The following ZC4H2 variants were observed in gnomAD, a reference collection of about 807,000 sequenced individuals.
ZC4H2 encodes zinc finger C4H2-type containing, also known as zinc finger C4H2 domain-containing protein.
For synonymous variants in ZC4H2, 84 were observed against 66.3 expected (o/e 1.27, Z -1.30); for missense variants, 137 against 173.9 (o/e 0.79, Z 1.19).
intron 1 of ZC4H2, among the ~76,000 whole-genome samples, chrX:64,927,868 T>C (rs1412984711): frequency 8.9e-6 from 1 of 112,776 alleles, no homozygotes; most frequent in Non-Finnish European, 1.9e-5. Context: ...TTTGGATTTC[T>C]CTAATGACCA....
At chrX:64,977,403 C>A (rs1054733833), upstream of ZC4H2, among the ~76,000 whole-genome samples, 1 of 111,873 alleles carries the variant, frequency 8.9e-6, no homozygotes, top group African/African-American at 3.3e-5. Context: ...TTAGAAAAGG[C>A]AGGTAGGAAC....
intron 1 of ZC4H2, among the ~76,000 whole-genome samples, chrX:64,935,314 G>A (rs981708782): frequency 4.5e-5 from 5 of 111,968 alleles, no homozygotes; most frequent in Non-Finnish European, 7.5e-5. Context: ...AAAAAGGCAG[G>A]AGCCCCAGTC....
intron 1 of ZC4H2, among the ~76,000 whole-genome samples, chrX:64,964,350 C>G (rs1342802070): frequency 9.0e-6 from 1 of 111,203 alleles, no homozygotes; most frequent in Non-Finnish European, 1.9e-5. Context: ...TACACGCCCA[C>G]TGATCCAATA....
At chrX:64,978,470 C>T (rs1164035429), upstream of ZC4H2, among the ~76,000 whole-genome samples, 1 of 111,777 alleles carries the variant, frequency 8.9e-6, no homozygotes, top group East Asian at 2.8e-4. Flanking sequence ...CCAGCTCTGT[C>T]CCGTAAGGGG....
intron 1 of ZC4H2, among the ~76,000 whole-genome samples, chrX:64,945,621 C>A (rs1219431156): frequency 1.8e-5 from 2 of 111,646 alleles, no homozygotes; most frequent in African/African-American, 3.3e-5. Flanking sequence ...GATGGGAGAT[C>A]CTCTGCTCTC....
chrX:64,951,534 C>T (rs1330583921), intron 1 of ZC4H2, among the ~76,000 whole-genome samples: 2 of 111,886 alleles, frequency 1.8e-5, no homozygotes, highest in African/African-American at 6.5e-5. Context: ...TTTTGATTTG[C>T]ATTTCTCTCA....
chrX:64,925,632 C>A (rs1308550874), intron 1 of ZC4H2, among the ~76,000 whole-genome samples: 4 of 111,637 alleles, frequency 3.6e-5, no homozygotes, highest in Non-Finnish European at 7.5e-5. Flanking sequence ...TTTATGTAAT[C>A]CTCCCTCCTC....
rs368718798 is a variant in ZC4H2, at chrX:64,935,088, C to T, written c.54-13100G>A. Among the ~76,000 whole-genome samples the T allele has an allele frequency of 6.2e-5, 7 of 112,086 alleles. No individual in the cohort carries two copies. In the East Asian group the frequency reaches 1.7e-3, roughly 27 times the overall value. On this transcript the variant is annotated intron_variant, in intron 1 of 4. Transcript: ENST00000374839. ...CTAAGATCCACTGGCTTGAAATTCT[C>T]TCTGCCAGCACAGCAGCAGTCTGAT... is the stretch of plus-strand genomic sequence containing the variant.
At chrX:64,976,816 G>A (rs1486783437), upstream of ZC4H2, among the ~76,000 whole-genome samples, 1 of 109,994 alleles carries the variant, frequency 9.1e-6, no homozygotes, top group Non-Finnish European at 1.9e-5. Context: ...AGCGGTAGTC[G>A]CTAATTACGC....
intron 1 of ZC4H2, among the ~76,000 whole-genome samples, chrX:64,950,131 G>T (rs1374605003): frequency 8.9e-6 from 1 of 111,905 alleles, no homozygotes. Context: ...GGAGCAGGTT[G>T]TTCAGTTTCC....
intron 1 of ZC4H2, among the ~76,000 whole-genome samples, chrX:64,939,534 A>G (rs1442400917): frequency 8.9e-6 from 1 of 112,215 alleles, no homozygotes; most frequent in East Asian, 2.8e-4. Context: ...ACCTGACTTC[A>G]AACTATACTA....
At chrX:64,928,929 C>T (rs1402476992) in intron 1 of ZC4H2, among the ~76,000 whole-genome samples, 7 of 101,228 alleles carry the variant, frequency 6.9e-5, no homozygotes, top group African/African-American at 2.6e-4. Flanking sequence ...CACTCTGTCA[C>T]CCAGGCTGAG....
At chrX:64,952,956 A>T (rs1247408121) in intron 1 of ZC4H2, among the ~76,000 whole-genome samples, 1 of 111,942 alleles carries the variant, frequency 8.9e-6, no homozygotes, top group Admixed American at 9.5e-5. Flanking sequence ...ACAGCATGGT[A>T]CTGGTACCAA....
chrX:65,008,306 G>A (rs1157472231), intron 1 of ZC4H2, among the ~76,000 whole-genome samples: 1 of 110,211 alleles, frequency 9.1e-6, no homozygotes, highest in Non-Finnish European at 1.9e-5. Context: ...TAAAAGATAG[G>A]CAATAATGGA....
At chrX:64,920,944 T>C (rs1055351489) in intron 2 of ZC4H2, among the ~76,000 whole-genome samples, 10 of 112,460 alleles carry the variant, frequency 8.9e-5, no homozygotes, top group Non-Finnish European at 1.9e-4. Flanking sequence ...CTGGCAAATA[T>C]CTTCCTCATT....
At chrX:64,994,847 G>T (rs749272771) in intron 1 of ZC4H2, among the ~76,000 whole-genome samples, 1 of 110,925 alleles carries the variant, frequency 9.0e-6, no homozygotes, top group East Asian at 2.8e-4. Context: ...AGTTTACAGA[G>T]ATACACACAT....
intron 1 of ZC4H2, chrX:64,965,446 C>T: frequency 6.2e-6 from 2 of 321,868 alleles, no homozygotes; most frequent in Non-Finnish European, 6.0e-6. Flanking sequence ...AAATCCTTAA[C>T]CCGTACCTTG....
At chrX:64,999,277 G>A (rs1345348986) in intron 1 of ZC4H2, among the ~76,000 whole-genome samples, 1 of 110,974 alleles carries the variant, frequency 9.0e-6, no homozygotes, top group Non-Finnish European at 1.9e-5. Flanking sequence ...ACTGTGTGCA[G>A]CCCACCACAG....
chrX:64,918,469 CTTTG>C (rs1929030746), intron 4 of ZC4H2: 1 of 113,620 alleles, frequency 8.8e-6, no homozygotes, highest in East Asian at 2.8e-4. Flanking sequence ...AAGAATGTCT[CTTTG>C]TTTGACTATT....
Sources: gnomAD v4.1 joint callset for allele counts (sites outside exome capture counted in the v4.1 genomes callset) on GRCh38, gnomAD v4.1.1 for gene constraint, MANE v1.5 for transcripts, NCBI Gene and HGNC (gene_info 2026-07-23, HGNC 2026-07-21) for gene names.